Variants in CLASP1 observed in about 807,000 individuals in gnomAD.
CLASP1 encodes the protein cytoplasmic linker associated protein 1.
A neutral mutation model predicts 192.3 loss-of-function variants in CLASP1; 38 were observed. The observed-to-expected ratio is 0.20, with a 90% CI of 0.15 to 0.26. CLASP1 has a LOEUF of 0.26. Among genes scored for constraint, CLASP1 ranks in the 10% least tolerant of loss-of-function variants. The pLI is 1.00. For synonymous variants in CLASP1, 691 were observed against 712.8 expected (o/e 0.97, Z 0.49); for missense variants, 1,433 against 1,932.5 (o/e 0.74, Z 4.85).
intron 2 of CLASP1, among the ~76,000 whole-genome samples, chr2:121,535,215 C>T (rs991418699): frequency 2.0e-5 from 3 of 152,146 alleles, no homozygotes; most frequent in African/African-American, 4.8e-5. Flanking sequence ...GCCTGGGAGG[C>T]GGAAGTTGCA....
chr2:121,558,682 C>T (rs1362088510), intron 2 of CLASP1, among the ~76,000 whole-genome samples: 1 of 152,156 alleles, frequency 6.6e-6, no homozygotes, highest in Non-Finnish European at 1.5e-5. Flanking sequence ...GACTTCTTGG[C>T]CCTCACGCCT....
At chr2:121,394,989 C>T (rs543682244) in intron 30 of CLASP1, among the ~76,000 whole-genome samples, 1 of 152,168 alleles carries the variant, frequency 6.6e-6, no homozygotes, top group East Asian at 1.9e-4. Context: ...TTCATGTATT[C>T]TCCCGATAGC....
chr2:121,360,117 G>C (rs1464378469), intron 37 of CLASP1, among the ~76,000 whole-genome samples: 1 of 152,182 alleles, frequency 6.6e-6, no homozygotes, highest in Non-Finnish European at 1.5e-5. Flanking sequence ...GCACATGCTG[G>C]TGTGGTAACG....
intron 22 of CLASP1, among the ~76,000 whole-genome samples, chr2:121,422,589 T>G (rs576397365): frequency 2.0e-4 from 31 of 152,150 alleles, no homozygotes; most frequent in Non-Finnish European, 4.1e-4. Flanking sequence ...TACATTTTCC[T>G]AGTCAGATAG....
intron 5 of CLASP1, among the ~76,000 whole-genome samples, chr2:121,527,190 T>C (rs894378509): frequency 1.3e-5 from 2 of 152,230 alleles, no homozygotes; most frequent in Non-Finnish European, 2.9e-5. Context: ...TGTACATGAA[T>C]GTTCATAGCA....
chr2:121,631,178 A>AG (rs1319287966), intron 1 of CLASP1, among the ~76,000 whole-genome samples: 7 of 150,524 alleles, frequency 4.7e-5, no homozygotes, highest in Admixed American at 6.6e-5. Flanking sequence ...AAAAAAAAAA[A>AG]AAAAGAAATG....
intron 8 of CLASP1, among the ~76,000 whole-genome samples, chr2:121,471,877 T>C (rs1284702018): frequency 6.6e-6 from 1 of 152,172 alleles, no homozygotes; most frequent in East Asian, 1.9e-4. Context: ...CAGAAAGTGG[T>C]TCATAATGGC....
intron 20 of CLASP1, among the ~76,000 whole-genome samples, chr2:121,429,861 T>C (rs986119298): frequency 2.6e-5 from 4 of 152,198 alleles, no homozygotes; most frequent in Non-Finnish European, 5.9e-5. Context: ...CAATACAAAA[T>C]GTAAATCACC....
At chr2:121,513,937 C>A (rs2094213635) in intron 7 of CLASP1, among the ~76,000 whole-genome samples, 1 of 152,218 alleles carries the variant, frequency 6.6e-6, no homozygotes, top group Admixed American at 6.5e-5. Flanking sequence ...TCAGCATAAA[C>A]CAAATTGTGC....
intron 8 of CLASP1, among the ~76,000 whole-genome samples, chr2:121,478,761 A>ACCACACC (rs2092078389): frequency 1.3e-4 from 4 of 31,314 alleles, no homozygotes; most frequent in African/African-American, 8.4e-4. Context: ...CCACACACAC[A>ACCACACC]CCACACACCC....
Position 121,555,330 on chromosome 2 carries a change from C to T in CLASP1, c.196-25005G>A, listed in dbSNP as rs149031319. 6.3e-3 allele frequency among the ~76,000 whole-genome samples: 956 copies of T among 152,306 alleles called. 10 individuals are homozygous for T. Among genetic ancestry groups the T allele is most frequent in the African/African-American group, 0.021 (875 of 41,570 alleles). On this transcript the variant is annotated intron_variant, in intron 2 of 39. Transcript: ENST00000263710. ...CCCACCAATATCCACCAGCCTGAGA[C>T]AGAAGTTGTGTTTCCAGCCACCTAT...
At chr2:121,576,150 A>T (rs145309929) in intron 2 of CLASP1, among the ~76,000 whole-genome samples, 5 of 152,380 alleles carry the variant, frequency 3.3e-5, no homozygotes, top group Non-Finnish European at 7.3e-5. Context: ...ACTGAGTAAC[A>T]ACTATGTGCC....
intron 8 of CLASP1, among the ~76,000 whole-genome samples, chr2:121,472,856 T>C (rs970674291): frequency 6.6e-6 from 1 of 152,198 alleles, no homozygotes; most frequent in Non-Finnish European, 1.5e-5. Flanking sequence ...CAGGTCTTAG[T>C]GAGACTGAAG....
chr2:121,626,056 C>T (rs1015457273), intron 1 of CLASP1, among the ~76,000 whole-genome samples: 1 of 150,216 alleles, frequency 6.7e-6, no homozygotes, highest in Non-Finnish European at 1.5e-5. Flanking sequence ...GCTGAGATGG[C>T]ACCACTGCAT....
chr2:121,399,143 C>T (rs2075772753), intron 28 of CLASP1, among the ~76,000 whole-genome samples: 8 of 152,054 alleles, frequency 5.3e-5, no homozygotes, highest in South Asian at 4.1e-4. Context: ...TCCCAATCTA[C>T]GTAAATGTAG....
At chr2:121,379,122 A>G (rs2070991041) in intron 33 of CLASP1, among the ~76,000 whole-genome samples, 1 of 152,040 alleles carries the variant, frequency 6.6e-6, no homozygotes, top group African/African-American at 2.4e-5. Flanking sequence ...AGAGCTGACC[A>G]CAATCTCAAA....
At position 121,627,106 on chromosome 2, in the gene CLASP1, A is replaced by G. The variant is rs144788457; in HGVS notation, c.-285-20926T>C. Reference sequence around the variant, plus strand: ...CAATGGCAAGCCAAAAGCATGATCAAAAATAGGAAAAAGAGGAGAAAACTA... The same window carrying G: ...CAATGGCAAGCCAAAAGCATGATCAGAAATAGGAAAAAGAGGAGAAAACTA... On this transcript the variant is annotated intron_variant, in intron 1 of 39. Transcript: ENST00000263710. Among the ~76,000 whole-genome samples, 557 of 152,300 alleles carry G rather than the reference A, an allele frequency of 3.7e-3. 5 individuals carry two copies. The highest frequency in any genetic ancestry group is 0.013 in the African/African-American group (534 of 41,568).
At chr2:121,399,029 A>G (rs2075751120) in intron 28 of CLASP1, among the ~76,000 whole-genome samples, 2 of 152,226 alleles carry the variant, frequency 1.3e-5, no homozygotes, top group African/African-American at 4.8e-5. Context: ...AAATTGCACA[A>G]TGGGGCCCAC....
intron 2 of CLASP1, among the ~76,000 whole-genome samples, chr2:121,582,785 CT>C (rs869194901): frequency 4.3e-3 from 617 of 142,520 alleles, no homozygotes; most frequent in Non-Finnish European, 4.4e-3. Context: ...TTCTTTCTTC[CT>C]TTTTTTTTTT....
Sources: gnomAD v4.1 joint callset for allele counts (sites outside exome capture counted in the v4.1 genomes callset) on GRCh38, gnomAD v4.1.1 for gene constraint, MANE v1.5 for transcripts, NCBI Gene and HGNC (gene_info 2026-07-23, HGNC 2026-07-21) for gene names.